Variants in CNTRL observed in about 807,000 individuals in gnomAD.
CNTRL encodes centriolin, also known as 110 kDa centrosomal protein.
Under a neutral mutation model 303.7 loss-of-function variants are expected in CNTRL, and 233 were observed. That is an observed-to-expected ratio of 0.77 (90% confidence interval 0.69 to 0.86). The LOEUF (loss-of-function observed/expected upper bound fraction) is 0.86. Ranked by LOEUF, CNTRL falls within the 40% of genes least tolerant of loss-of-function variation. The pLI, the probability that CNTRL is intolerant of heterozygous loss-of-function variation, is 0.00. For missense variants in CNTRL, 2,524 were observed against 2,650.6 expected, an observed-to-expected ratio of 0.95 and a Z score of 1.05; for synonymous variants, 900 against 922.2, an observed-to-expected ratio of 0.98 and a Z score of 0.44.
Position 121,152,558 on chromosome 9 carries a change from G to A in CNTRL, c.4037G>A (p.Arg1346Lys). 1.2e-6 allele frequency: 2 copies of A among 1,613,734 alleles called. No homozygotes were observed. Among genetic ancestry groups the A allele is most frequent in the Non-Finnish European group, 1.7e-6 (2 of 1,179,662 alleles). The change falls in exon 26 of 44, where the codon AGA becomes AAA. Residue 1346 changes from arginine to lysine, a missense_variant. By Grantham distance (26) the Arg-to-Lys change is conservative. Transcript: ENST00000373855. ...KSKKREERWM[R>K]ASKRQSEKEM... ...AAGAAGCGGGAAGAAAGGTGGATGA[G>A]AGCATCCAAGCGGCAGTCGGAGAAA...
intron 14 of CNTRL, among the ~76,000 whole-genome samples, chr9:121,126,827 T>TC (rs2050553526): frequency 1.1e-5 from 1 of 93,294 alleles, no homozygotes; most frequent in Non-Finnish European, 2.7e-5. Context: ...TTGTTTGTTT[T>TC]GGTTTTTTTT....
At position 121,177,157 on chromosome 9, in the gene CNTRL, C is replaced by T; in HGVS notation, c.6955-6C>T. The stretch of plus-strand genomic sequence containing the variant: ...TTGATTTATCCTTCCTTTTGTCTTA[C>T]TGTAGGAAAAGAATGCCTCAGCCAG... On this transcript the variant is annotated splice_polypyrimidine_tract_variant and splice_region_variant and intron_variant, in intron 43 of 43. Transcript: ENST00000373855. The T allele has an allele frequency of 1.9e-6, 3 of 1,609,838 alleles. No homozygotes were observed. The South Asian group carries it at 3.3e-5, about 18-fold the overall frequency.
intron 4 of CNTRL, among the ~76,000 whole-genome samples, chr9:121,094,083 C>G (rs1180083121): frequency 6.6e-6 from 1 of 152,022 alleles, no homozygotes; most frequent in African/African-American, 2.4e-5. Flanking sequence ...GCACTCCAGC[C>G]TGGCCAACAG....
At chr9:121,158,731 T>C in intron 30 of CNTRL, 124 bp from the exon 31 acceptor site, 1 of 949,818 alleles carries the variant, frequency 1.1e-6, no homozygotes, top group Non-Finnish European at 1.6e-6. Flanking sequence ...TTGCCTGGCT[T>C]TTCTGACTCT....
At chr9:121,121,916 A>G in intron 12 of CNTRL, 3 of 985,448 alleles carry the variant, frequency 3.0e-6, no homozygotes, top group Non-Finnish European at 3.6e-6. Context: ...TCTGTTCTCA[A>G]CGGCTCAGTT....
At chr9:121,122,295 T>C (rs993286576) in intron 12 of CNTRL, 2 of 528,078 alleles carry the variant, frequency 3.8e-6, no homozygotes, top group Middle Eastern at 9.3e-4. Flanking sequence ...CAAATGGGTA[T>C]TTTGGGAGTG....
At chr9:121,162,376 A>C in intron 34 of CNTRL, 105 bp downstream of exon 34, 2 of 913,858 alleles carry the variant, frequency 2.2e-6, no homozygotes, top group Non-Finnish European at 1.7e-6. Flanking sequence ...AAAATACACC[A>C]CAAACTTGGT....
At chr9:121,167,057 C>A (rs181424425) in intron 36 of CNTRL, among the ~76,000 whole-genome samples, 1 of 151,676 alleles carries the variant, frequency 6.6e-6, no homozygotes, top group Admixed American at 6.6e-5. Context: ...CACAGGCCAT[C>A]CCAGCACTTT....
intron 19 of CNTRL, 124 bp downstream of exon 19, chr9:121,142,394 C>T: frequency 1.4e-6 from 1 of 733,522 alleles, no homozygotes; most frequent in African/African-American, 1.8e-5. Flanking sequence ...TGGCACAGTG[C>T]TGAACCTGAC....
At chr9:121,114,820 G>A (rs535921406) in intron 10 of CNTRL, among the ~76,000 whole-genome samples, 10 of 152,298 alleles carry the variant, frequency 6.6e-5, no homozygotes, top group Non-Finnish European at 1.5e-5. Flanking sequence ...GGGTTTACTA[G>A]TGTTGGGAAT....
At chr9:121,151,387 CTTT>C (rs71370632) in intron 25 of CNTRL, among the ~76,000 whole-genome samples, 2 of 90,444 alleles carry the variant, frequency 2.2e-5, no homozygotes, top group African/African-American at 8.2e-5. Flanking sequence ...TTTTCTTCTT[CTTT>C]TTTTTTTTTT....
chr9:121,098,339 T>C (rs759552851), intron 6 of CNTRL, 47 bp from the exon 7 acceptor site: 3 of 1,363,574 alleles, frequency 2.2e-6, no homozygotes, highest in East Asian at 2.3e-5. Flanking sequence ...AAGTATGTTA[T>C]GATTTTTAAA....
At chr9:121,130,811 T>C (rs4571800) in intron 14 of CNTRL, among the ~76,000 whole-genome samples, 103,125 of 152,042 alleles carry the variant, frequency 0.68, 35,700 homozygotes, top group East Asian at 0.96. Context: ...AAATGTGTCC[T>C]AGAGATTCTG....
Position 121,088,334 on chromosome 9 carries a change from A to C in CNTRL, c.8A>C (p.Lys3Thr), listed in dbSNP as rs1262927847. 1.2e-6 allele frequency: 2 copies of C among 1,608,236 alleles called. No individual in the cohort carries two copies. Among genetic ancestry groups the C allele is most frequent in the Non-Finnish European group, 1.7e-6 (2 of 1,175,068 alleles). Reference sequence around the variant, plus strand: ...CCTGGCTTTATTCTTGCAATGAAGAAAGGTTCTCAACAAAAAATATTCTCC... The same window carrying C: ...CCTGGCTTTATTCTTGCAATGAAGACAGGTTCTCAACAAAAAATATTCTCC... MKKGSQQKIFSKA... is the reference protein window; with the variant it reads MKTGSQQKIFSKA... The change falls in exon 3 of 44, where the codon AAA becomes ACA. Residue 3 changes from lysine (K) to threonine (T), a missense_variant. Physicochemically the swap from Lys to Thr is moderately conservative, Grantham distance 78. Coordinates refer to ENST00000373855, the MANE Select transcript of CNTRL (RefSeq NM_007018.6).
intron 30 of CNTRL, among the ~76,000 whole-genome samples, 187 bp downstream of exon 30, chr9:121,158,296 A>G (rs2052682310): frequency 6.6e-6 from 1 of 152,236 alleles, no homozygotes; most frequent in Admixed American, 6.5e-5. Context: ...GTCTCAAAAC[A>G]TGGTATACTC....
chr9:121,098,261 T>A (rs2048976670), intron 6 of CNTRL, 125 bp from the exon 7 acceptor site: 1 of 689,666 alleles, frequency 1.4e-6, no homozygotes, highest in Admixed American at 2.8e-5. Context: ...ACACCACTAC[T>A]TTTGGGTAAT....
chr9:121,171,484 G>C lies in CNTRL; in HGVS notation c.6353G>C (p.Arg2118Pro), dbSNP rs770255916. 6.2e-7 allele frequency: 1 copy of C among 1,614,080 alleles called. No homozygotes were observed. Among genetic ancestry groups the C allele is most frequent in the Admixed American group, 1.7e-5 (1 of 60,024 alleles). The stretch of plus-strand genomic sequence containing the variant: ...CTGGTAGCCCAGGACAACCATGAGC[G>C]GGCCAGGCGCCTGATGAAGGAGCTC... ...IELVAQDNHE[R>P]ARRLMKELNQ... Residue 2118 changes from arginine (R) to proline (P), a missense_variant, in exon 40 of 44, where the codon CGG (arginine) becomes CCG (proline). Transcript: ENST00000373855.
At chr9:121,134,520 C>A (rs1370403595) in intron 14 of CNTRL, among the ~76,000 whole-genome samples, 1 of 152,170 alleles carries the variant, frequency 6.6e-6, no homozygotes, top group Non-Finnish European at 1.5e-5. Context: ...TGGTCTCAAT[C>A]TCCTGACTTC....
At chr9:121,104,258 T>C (rs534409008) in intron 7 of CNTRL, among the ~76,000 whole-genome samples, 161 of 152,300 alleles carry the variant, frequency 1.1e-3, no homozygotes, top group Non-Finnish European at 1.5e-3. Context: ...CATCATTCTT[T>C]GCAAACTGTC....
Sources: allele counts gnomAD v4.1 joint callset (sites outside exome capture counted in the v4.1 genomes callset), GRCh38; gene constraint gnomAD v4.1.1; transcripts MANE v1.5; gene names NCBI Gene and HGNC (gene_info 2026-07-23, HGNC 2026-07-21).